ACHE: variants seen among roughly 807,000 people sequenced by gnomAD.
The protein encoded by ACHE is acetylcholinesterase (Yt blood group).
ACHE carries 19 observed loss-of-function variants against 53.9 expected under a neutral mutation model. The observed-to-expected ratio is 0.35, with a 90% CI of 0.25 to 0.52. The LOEUF (loss-of-function observed/expected upper bound fraction) is 0.52. Ranked by LOEUF, ACHE falls within the 20% of genes least tolerant of loss-of-function variation. ACHE has a pLI of 0.95. For missense variants in ACHE, 605 were observed against 849.4 expected (o/e 0.71, Z 3.58); for synonymous variants, 392 against 378.1 (o/e 1.04, Z -0.43).
At chr7:100,890,417 G>T in intron 4 of ACHE, 82 bp from the exon 5 acceptor site, 6 of 1,538,388 alleles carry the variant, frequency 3.9e-6, no homozygotes, top group East Asian at 2.4e-5. Context: ...CGGGTTGAAG[G>T]GGGGGTATGA....
chr7:100,894,412 C>T, intron 1 of ACHE, 160 bp from the exon 2 acceptor site: 2 of 491,170 alleles, frequency 4.1e-6, no homozygotes, highest in Non-Finnish European at 7.0e-6. Flanking sequence ...AGGAGACAGG[C>T]AGAGACAAGG....
In ACHE at chr7:100,894,249, G is replaced by C; in HGVS notation, c.-17C>G. On this transcript the variant is annotated 5_prime_UTR_variant, in exon 2 of 5. Transcript: ENST00000241069. ...GGGCCTCATGGCTGCAGGGCAGGCG[G>C]CGTCTGCTGGGAGAAAGAAAGGGAA... 5 of 1,426,302 alleles carry C rather than the reference G, an allele frequency of 3.5e-6. No individual in the cohort carries two copies. The highest frequency in any genetic ancestry group is 4.6e-6 in the Non-Finnish European group (5 of 1,094,270). The allele number at this position is 1,426,302 out of a possible 1,614,324, so 88.4% of individuals were successfully genotyped here.
chr7:100,895,091 G>A (rs1009235320), intron 1 of ACHE, among the ~76,000 whole-genome samples: 1 of 152,122 alleles, frequency 6.6e-6, no homozygotes, highest in Non-Finnish European at 1.5e-5. Flanking sequence ...GGACGCCTGC[G>A]TTCCCGGGAC....
intron 3 of ACHE, 30 bp from the exon 4 acceptor site, chr7:100,891,368 A>C (rs1450054529): frequency 6.7e-7 from 1 of 1,500,450 alleles, no homozygotes; most frequent in Non-Finnish European, 8.8e-7. Flanking sequence ...CTCAGTCCAG[A>C]CGGGCAGTGG....
rs1298023505 is a variant in ACHE at position 100,891,158 on chromosome 7, C to T, written c.1723+11G>A. On this transcript the variant is annotated intron_variant, in intron 4 of 4. Coordinates refer to ENST00000241069, the MANE Select transcript of ACHE (RefSeq NM_000665.5). ...CCTCCTCCCAGCCGCTGCCCGCTGGCCCCTGCATACCGGTGGCGCTGAGCA... is the reference window on the plus strand; with the variant it reads ...CCTCCTCCCAGCCGCTGCCCGCTGGTCCCTGCATACCGGTGGCGCTGAGCA... The T allele has an allele frequency of 2.5e-6, 4 of 1,595,206 alleles. No homozygotes were observed. In the African/African-American group the frequency reaches 5.4e-5, roughly 21 times the overall value.
intron 4 of ACHE, chr7:100,890,928 C>G: frequency 6.8e-7 from 1 of 1,472,400 alleles, no homozygotes; most frequent in South Asian, 1.4e-5. Context: ...AGAGGAGGGG[C>G]CCCTGTGGCC....
chr7:100,891,919 T>G (rs1351725646), intron 3 of ACHE, among the ~76,000 whole-genome samples: 1 of 151,006 alleles, frequency 6.6e-6, no homozygotes, highest in Non-Finnish European at 1.5e-5. Context: ...TAGCTGGGAC[T>G]AGAGGCACGA....
chr7:100,894,417 A>G, intron 1 of ACHE, 165 bp from the exon 2 acceptor site: 1 of 489,384 alleles, frequency 2.0e-6, no homozygotes, highest in Non-Finnish European at 3.5e-6. Context: ...ACAGGCAGAG[A>G]CAAGGACACA....
chr7:100,890,098 TG>T lies in ACHE; in HGVS notation c.*115del, dbSNP rs1485271604. ...CCGGGAGCCCCGGGGGACGTCGGGG[TG>T]GGGTGGGGATGGGCAGAGTCTGGGG... is the stretch of plus-strand genomic sequence containing the variant. On this transcript the variant is annotated 3_prime_UTR_variant, in exon 5 of 5. Coordinates refer to ENST00000241069, the MANE Select transcript of ACHE (RefSeq NM_000665.5). The T allele has an allele frequency of 1.6e-6, 2 of 1,264,022 alleles. No individual in the cohort carries two copies. Among genetic ancestry groups the T allele is most frequent in the South Asian group, 1.6e-5 (1 of 62,964 alleles). 78.3% of individuals were successfully genotyped at this position (1,264,022 alleles called of 1,614,324 possible). A position where few individuals can be genotyped will look rare whatever the true frequency, so the allele number is the denominator to read the frequency against.
chr7:100,890,319 C>T lies in ACHE; in HGVS notation c.1740G>A (p.Ala580=), dbSNP rs750493660. ...LLSATDTLDE[A]ERQWKAEFHR... The stretch of plus-strand genomic sequence containing the variant: ...GGAACTCGGCCTTCCACTGGCGCTC[C>T]GCCTCGTCGAGCGTGTCTGCGGCCA... The change falls in exon 5 of 5, where the codon GCG becomes GCA. Residue 580 remains alanine (A), a synonymous_variant. Coordinates refer to ENST00000241069, the MANE Select transcript of ACHE (RefSeq NM_000665.5). 2 of 1,604,892 alleles carry T rather than the reference C, an allele frequency of 1.2e-6. No individual in the cohort carries two copies. The highest frequency in any genetic ancestry group is 1.1e-5 in the South Asian group (1 of 89,778).
intron 4 of ACHE, 84 bp downstream of exon 4, chr7:100,891,085 G>C: frequency 6.6e-7 from 1 of 1,526,632 alleles, no homozygotes. Context: ...GGGAGCCTCC[G>C]AGGCTAGGGG....
chr7:100,893,052 T>A, intron 2 of ACHE, 113 bp downstream of exon 2: 1 of 1,312,094 alleles, frequency 7.6e-7, no homozygotes, highest in Non-Finnish European at 1.1e-6. Flanking sequence ...GGAGGACTTC[T>A]GGGACTTCTG....
chr7:100,894,736 G>A (rs17883552), intron 1 of ACHE, among the ~76,000 whole-genome samples: 1 of 152,026 alleles, frequency 6.6e-6, no homozygotes, highest in Non-Finnish European at 1.5e-5. Context: ...GGCATTCAGG[G>A]TGTGGAAGCC....
chr7:100,894,953 C>T (rs1436019938), intron 1 of ACHE, among the ~76,000 whole-genome samples: 1 of 152,128 alleles, frequency 6.6e-6, no homozygotes, highest in Non-Finnish European at 1.5e-5. Flanking sequence ...CCGTGCACGC[C>T]GCCGCCGGCG....
In ACHE at chr7:100,889,999, G is replaced by T. The variant is rs1790562087; in HGVS notation, c.*215C>A. ...CCTAGTCGCGCACACTCCCGTGGCTGTAACAGTTTATTGGCAGCCCAGAGG... is the reference window on the plus strand; with the variant it reads ...CCTAGTCGCGCACACTCCCGTGGCTTTAACAGTTTATTGGCAGCCCAGAGG... On this transcript the variant is annotated 3_prime_UTR_variant, in exon 5 of 5. Transcript: ENST00000241069. 5.6e-6 allele frequency: 3 copies of T among 532,420 alleles called. No individual in the cohort carries two copies. In the South Asian group the frequency reaches 7.5e-5, roughly 13 times the overall value. 33.0% of individuals were successfully genotyped at this position (532,420 alleles called of 1,614,324 possible). A position where few individuals can be genotyped will look rare whatever the true frequency, so the allele number is the denominator to read the frequency against.
Position 100,892,411 on chromosome 7 carries a change from G to C in ACHE, c.1476C>G (p.Pro492=). 1 of 1,517,568 alleles carries C rather than the reference G, an allele frequency of 6.6e-7. No homozygotes were observed. The highest frequency in any genetic ancestry group is 8.9e-7 in the Non-Finnish European group (1 of 1,129,930). 94.0% of individuals were successfully genotyped at this position (1,517,568 alleles called of 1,614,324 possible). A position where few individuals can be genotyped will look rare whatever the true frequency, so the allele number is the denominator to read the frequency against. The part of the protein sequence containing the change: ...IEFIFGIPLD[P]SRNYTAEEKI... ...TCTCCTCTGCCGTGTAGTTTCGAGA[G>C]GGGTCCAGGGGGATCCCAAAGATGA... Residue 492 remains proline, a synonymous_variant, in exon 3 of 5, where the codon CCC becomes CCG. Transcript: ENST00000241069. The surrounding 1 kb of genome is among the most constrained non-coding windows in gnomAD (Gnocchi z 5.2).
At position 100,890,207 on chromosome 7, in the gene ACHE, G is replaced by A. The variant is rs748149805; in HGVS notation, c.*7C>T. 4 of 1,613,432 alleles carry A rather than the reference G, an allele frequency of 2.5e-6. No homozygotes were observed. The South Asian group carries it at 4.4e-5, about 18-fold the overall frequency. ...GCGGAGCGGAGGACATGGGGGTCCCGCCGGGGTCACAGGTCTGAGCAGCGA... is the reference window on the plus strand; with the variant it reads ...GCGGAGCGGAGGACATGGGGGTCCCACCGGGGTCACAGGTCTGAGCAGCGA... On this transcript the variant is annotated 3_prime_UTR_variant, in exon 5 of 5. Transcript: ENST00000241069.
intron 4 of ACHE, chr7:100,890,675 C>A: frequency 7.5e-7 from 1 of 1,329,480 alleles, no homozygotes; most frequent in Non-Finnish European, 9.6e-7. Flanking sequence ...GGGTGCTACC[C>A]CGTCCGGGGC....
At position 100,890,212 on chromosome 7, in the gene ACHE, G is replaced by C. The variant is rs762453282; in HGVS notation, c.*2C>G. ...GCGGAGGACATGGGGGTCCCGCCGG[G>C]GTCACAGGTCTGAGCAGCGATCCTG... On this transcript the variant is annotated 3_prime_UTR_variant, in exon 5 of 5. Coordinates refer to ENST00000241069, the MANE Select transcript of ACHE (RefSeq NM_000665.5). 1.4e-5 allele frequency: 22 copies of C among 1,613,718 alleles called. No homozygotes were observed. The highest frequency in any genetic ancestry group is 1.9e-5 in the Non-Finnish European group (22 of 1,179,692).
Sources: allele counts gnomAD v4.1 joint callset (sites outside exome capture counted in the v4.1 genomes callset), GRCh38; gene constraint gnomAD v4.1.1; non-coding constraint Gnocchi (gnomAD v3.1); transcripts MANE v1.5; gene names NCBI Gene and HGNC (gene_info 2026-07-23, HGNC 2026-07-21).